Variants in LYST observed in about 807,000 individuals in gnomAD.
LYST encodes the protein lysosomal-trafficking regulator.
LYST carries 192 observed loss-of-function variants against 413.6 expected under a neutral mutation model. The ratio of observed to expected loss-of-function variants is 0.46; its 90% CI spans 0.41 to 0.52. LYST has a LOEUF of 0.52. Among genes scored for constraint, LYST ranks in the 20% least tolerant of loss-of-function variants. The pLI, the probability that LYST is intolerant of heterozygous loss-of-function variation, is 0.00. For missense variants in LYST, 3,815 were observed against 4,499.9 expected, an observed-to-expected ratio of 0.85 and a Z score of 4.35; for synonymous variants, 1,525 against 1,567.3, an observed-to-expected ratio of 0.97 and a Z score of 0.64.
Position 235,818,106 on chromosome 1 carries a change from C to A in LYST, c.193-5045G>T, listed in dbSNP as rs190922843. Reference sequence around the variant, plus strand: ...CTTCATGATTATAATTAACTTTAATCATTTCATGATTATTTTCATGATTAT... The same window carrying A: ...CTTCATGATTATAATTAACTTTAATAATTTCATGATTATTTTCATGATTAT... On this transcript the variant is annotated intron_variant, in intron 3 of 52. Transcript: ENST00000389793. Among the ~76,000 whole-genome samples the A allele has an allele frequency of 7.2e-5, 11 of 152,144 alleles. No homozygotes were observed. In the East Asian group the frequency reaches 2.1e-3, roughly 29 times the overall value.
intron 25 of LYST, among the ~76,000 whole-genome samples, chr1:235,753,583 G>A (rs998928663): frequency 6.6e-5 from 10 of 151,986 alleles, no homozygotes; most frequent in African/African-American, 2.4e-4. Context: ...TATGTTTGGG[G>A]GCTTCAAGTG....
intron 1 of LYST, among the ~76,000 whole-genome samples, chr1:235,877,358 T>A (rs1322347555): frequency 6.6e-6 from 1 of 152,180 alleles, no homozygotes; most frequent in Non-Finnish European, 1.5e-5. Context: ...AATATAGGAA[T>A]CATGGGAACA....
rs755963517 is a variant in LYST, at chr1:235,687,064, A to G, written c.10702-17T>C. ...ACTAGTCACCTTTGAAAAAGGACCA[A>G]TCAAAGATTATCATGTTTTAAAAGA... On this transcript the variant is annotated splice_polypyrimidine_tract_variant and intron_variant, in intron 47 of 52. Coordinates refer to ENST00000389793, the MANE Select transcript of LYST (RefSeq NM_000081.4). The G allele has an allele frequency of 3.4e-6, 5 of 1,468,284 alleles. No individual in the cohort carries two copies. The highest frequency in any genetic ancestry group is 2.8e-5 in the African/African-American group (2 of 72,192). The allele number at this position is 1,468,284 out of a possible 1,614,324, so 91.0% of individuals were successfully genotyped here.
Position 235,744,082 on chromosome 1 carries a change from G to A in LYST, c.8048C>T (p.Thr2683Ile), listed in dbSNP as rs759946307. 6.2e-7 allele frequency: 1 copy of A among 1,600,110 alleles called. No individual in the cohort carries two copies. Among genetic ancestry groups the A allele is most frequent in the Non-Finnish European group, 8.6e-7 (1 of 1,167,602 alleles). ...VTQSKTSVFQ[T>I]EISEENIHHE... Reference sequence around the variant, plus strand: ...ATGAATATTTTCCTCAGAAATTTCGGTCTGGAAAACTGAGGTCTTGCTTTG... The same window carrying A: ...ATGAATATTTTCCTCAGAAATTTCGATCTGGAAAACTGAGGTCTTGCTTTG... The change falls in exon 30 of 53, where the codon ACC becomes ATC. Residue 2683 changes from threonine (T) to isoleucine (I), a missense_variant. This residue lies in a region of LYST where 771 missense variants were observed against 837.1 expected (regional missense o/e 0.92). Coordinates refer to ENST00000389793, the MANE Select transcript of LYST (RefSeq NM_000081.4).
Position 235,673,813 on chromosome 1 carries a change from T to C in LYST, c.11038+3278A>G, listed in dbSNP as rs534818430. Reference sequence around the variant, plus strand: ...CCCAATGACAAAACCAAAGTAGTTATAATAAAAGTCAAGGATTTAAAACAA... The same window carrying C: ...CCCAATGACAAAACCAAAGTAGTTACAATAAAAGTCAAGGATTTAAAACAA... On this transcript the variant is annotated intron_variant, in intron 50 of 52. Coordinates refer to ENST00000389793, the MANE Select transcript of LYST (RefSeq NM_000081.4). Among the ~76,000 whole-genome samples, 14 of 152,316 alleles carry C rather than the reference T, an allele frequency of 9.2e-5. No homozygotes were observed. The South Asian group carries it at 1.4e-3, about 16-fold the overall frequency.
chr1:235,762,692 G>C, intron 22 of LYST, 28 bp downstream of exon 22: 1 of 1,604,408 alleles, frequency 6.2e-7, no homozygotes, highest in Non-Finnish European at 8.5e-7. Context: ...AAATGAGAAG[G>C]TCATACTTCC....
intron 16 of LYST, among the ~76,000 whole-genome samples, chr1:235,778,336 G>A (rs957612979): frequency 6.6e-6 from 1 of 151,230 alleles, no homozygotes; most frequent in Admixed American, 6.6e-5. Flanking sequence ...TCTCAGAACT[G>A]GATGGGGGCC....
At chr1:235,787,046 A>T in intron 14 of LYST, 154 bp downstream of exon 14, 1 of 604,494 alleles carries the variant, frequency 1.7e-6, no homozygotes, top group Non-Finnish European at 2.8e-6. Context: ...TTAAAGTACA[A>T]TAATAATAAA....
chr1:235,755,458 G>T lies in LYST; in HGVS notation c.7229+20C>A. ...AAGACAAAAGATTCCCAATTATAGTGGAGGGAAGAACACACTTACTCTTCA... is the reference window on the plus strand; with the variant it reads ...AAGACAAAAGATTCCCAATTATAGTTGAGGGAAGAACACACTTACTCTTCA... On this transcript the variant is annotated intron_variant, in intron 25 of 52. Coordinates refer to ENST00000389793, the MANE Select transcript of LYST (RefSeq NM_000081.4). 6.3e-7 allele frequency: 1 copy of T among 1,578,706 alleles called. No individual in the cohort carries two copies. The highest frequency in any genetic ancestry group is 8.7e-7 in the Non-Finnish European group (1 of 1,148,378).
chr1:235,775,972 G>C (rs1474456272), intron 17 of LYST, among the ~76,000 whole-genome samples: 1 of 152,044 alleles, frequency 6.6e-6, no homozygotes, highest in Non-Finnish European at 1.5e-5. Flanking sequence ...TTATTGGCAA[G>C]ATACTAAACA....
intron 1 of LYST, among the ~76,000 whole-genome samples, chr1:235,835,050 C>T (rs12072667): frequency 0.51 from 76,411 of 150,964 alleles, 22,721 homozygotes; most frequent in African/African-American, 0.83. Context: ...CCCGAGTAGC[C>T]GGGATTACAG....
rs745648405 is a variant in LYST, at chr1:235,664,620, A to G, written c.11040T>C (p.Ala3680=). Residue 3680 remains alanine (A), a splice_region_variant and synonymous_variant, in exon 51 of 53, where the codon GCT becomes GCC. Coordinates refer to ENST00000389793, the MANE Select transcript of LYST (RefSeq NM_000081.4). This position sits in a 1 kb window ranked among gnomAD's most constrained non-coding sequence, Gnocchi z 4.5. ...AGAGTCTGAGGTCACTGCCTCCGCC[A>G]GCTAAAACACCCAAATCATCCGGCG... is the stretch of plus-strand genomic sequence containing the variant. The part of the protein sequence containing the change: ...SGDIATVCDS[A]GGGSDLRLWT... 1.9e-6 allele frequency: 3 copies of G among 1,613,992 alleles called. No individual in the cohort carries two copies. The highest frequency in any genetic ancestry group is 2.7e-5 in the African/African-American group (2 of 74,912).
intron 42 of LYST, chr1:235,712,693 T>G (rs1662495387): frequency 1.0e-6 from 1 of 985,376 alleles, no homozygotes; most frequent in Non-Finnish European, 1.2e-6. Flanking sequence ...TTCTTTTTTT[T>G]CGGGGGGGTG....
In LYST at chr1:235,851,537, C is replaced by A. The variant is rs531651367; in HGVS notation, c.-98+15306G>T. On this transcript the variant is annotated intron_variant, in intron 1 of 52. Transcript: ENST00000389793. ...TCATGTAACCAAATACCACCTGTAC[C>A]CCAATAACTGATGGAAAAATTAAAA... 5.1e-4 allele frequency among the ~76,000 whole-genome samples: 77 copies of A among 151,418 alleles called. 2 individuals carry two copies. Among genetic ancestry groups the A allele is most frequent in the Admixed American group, 1.1e-3 (17 of 15,164 alleles).
At chr1:235,671,396 T>A (rs982691386) in intron 50 of LYST, among the ~76,000 whole-genome samples, 1 of 152,248 alleles carries the variant, frequency 6.6e-6, no homozygotes. Context: ...GAGATTATCA[T>A]ATGGCTTTTG....
chr1:235,729,345 T>C (rs1159162101), intron 37 of LYST, among the ~76,000 whole-genome samples: 1 of 152,198 alleles, frequency 6.6e-6, no homozygotes, highest in African/African-American at 2.4e-5. Context: ...TAAATATAAA[T>C]TTGCATATCA....
At chr1:235,695,629 ATTTTTTT>A (rs148101450) in intron 46 of LYST, among the ~76,000 whole-genome samples, 2 of 116,418 alleles carry the variant, frequency 1.7e-5, no homozygotes, top group East Asian at 2.7e-4. Context: ...CAGTACTCTA[ATTTTTTT>A]TTTTTTTTTT....
intron 34 of LYST, 22 bp from the exon 35 acceptor site, chr1:235,731,199 G>T: frequency 6.2e-7 from 1 of 1,612,502 alleles, no homozygotes; most frequent in South Asian, 1.1e-5. Flanking sequence ...AAGATTAAAG[G>T]GTGTTTTAAG....
intron 1 of LYST, among the ~76,000 whole-genome samples, chr1:235,880,440 A>G (rs1442628742): frequency 6.6e-6 from 1 of 152,182 alleles, no homozygotes; most frequent in Non-Finnish European, 1.5e-5. Context: ...TTACTCGGTA[A>G]AAGTGTCATC....
Sources: gnomAD v4.1 joint callset for allele counts (sites outside exome capture counted in the v4.1 genomes callset) on GRCh38, gnomAD v4.1.1 for gene constraint, gnomAD v4.1.1 regional missense constraint, Gnocchi (gnomAD v3.1) non-coding constraint, MANE v1.5 for transcripts, NCBI Gene and HGNC (gene_info 2026-07-23, HGNC 2026-07-21) for gene names.